NKAIN3: variants seen among roughly 807,000 people sequenced by gnomAD.
The protein encoded by NKAIN3 is sodium/potassium-transporting ATPase subunit beta-1-interacting protein 3.
A neutral mutation model predicts 30.2 loss-of-function variants in NKAIN3; 25 were observed. The ratio of observed to expected loss-of-function variants is 0.83; its 90% CI spans 0.60 to 1.16. The LOEUF (loss-of-function observed/expected upper bound fraction) is 1.16, where lower values mean the gene tolerates loss of function less well. NKAIN3 is among the 50% of genes most tolerant of loss of function. The pLI is 0.00. For synonymous variants in NKAIN3, 91 were observed against 89.6 expected, an observed-to-expected ratio of 1.02 and a Z score of -0.09; for missense variants, 225 against 254.1, an observed-to-expected ratio of 0.89 and a Z score of 0.78.
intron 3 of NKAIN3, among the ~76,000 whole-genome samples, chr8:62,626,467 T>C (rs560771851): frequency 6.6e-6 from 1 of 152,208 alleles, no homozygotes; most frequent in East Asian, 1.9e-4. Context: ...ATGGTTGTTT[T>C]CAGACTATCC....
At chr8:62,838,426 T>G (rs1819436584) in intron 4 of NKAIN3, among the ~76,000 whole-genome samples, 1 of 151,836 alleles carries the variant, frequency 6.6e-6, no homozygotes, top group East Asian at 1.9e-4. Flanking sequence ...GAAGAGAGAT[T>G]TGTACATTTG....
intron 3 of NKAIN3, among the ~76,000 whole-genome samples, chr8:62,715,888 G>A (rs541957543): frequency 1.3e-5 from 2 of 152,084 alleles, no homozygotes; most frequent in East Asian, 3.9e-4. Flanking sequence ...GCAGGGATGG[G>A]GCATAAAAGG....
At chr8:62,356,171 G>C (rs911029527) in intron 1 of NKAIN3, among the ~76,000 whole-genome samples, 3 of 152,018 alleles carry the variant, frequency 2.0e-5, no homozygotes, top group Admixed American at 1.3e-4. Flanking sequence ...CAAAAGAAAG[G>C]GTCCTGGACC....
rs144237616 is a variant in NKAIN3, at chr8:62,270,813, A to G, written c.54+21686A>G. 5.5e-4 allele frequency among the ~76,000 whole-genome samples: 83 copies of G among 152,234 alleles called. 1 individual carries two copies. The highest frequency in any genetic ancestry group is 1.5e-3 in the Admixed American group (23 of 15,284). ...CCACATGTAAGTGCGAGCATGTGGC[A>G]TTTGCGTTTCTGTGCCTAGCTCATT... On this transcript the variant is annotated intron_variant, in intron 1 of 6. Transcript: ENST00000623646.
At chr8:62,324,367 G>A (rs1163095526) in intron 1 of NKAIN3, among the ~76,000 whole-genome samples, 2 of 151,906 alleles carry the variant, frequency 1.3e-5, no homozygotes, top group African/African-American at 2.4e-5. Flanking sequence ...TAATGATTAC[G>A]ACCTAAAAAT....
chr8:62,974,826 A>T lies in NKAIN3; in HGVS notation c.*9419A>T, dbSNP rs1823908971. ...TCATAACAGCTCTTATTATTTTGAG[A>T]TATGTTCCATCAATACCTAGTTTAT... is the stretch of plus-strand genomic sequence containing the variant. On this transcript the variant is annotated 3_prime_UTR_variant, in exon 7 of 7. Coordinates refer to ENST00000623646, the MANE Select transcript of NKAIN3 (RefSeq NM_001304533.3). Among the ~76,000 whole-genome samples, 1 of 152,006 alleles carries T rather than the reference A, an allele frequency of 6.6e-6. No individual in the cohort carries two copies. The highest frequency in any genetic ancestry group is 6.6e-5 in the Admixed American group (1 of 15,264).
At chr8:62,627,883 A>G (rs767749807) in intron 3 of NKAIN3, among the ~76,000 whole-genome samples, 1 of 152,044 alleles carries the variant, frequency 6.6e-6, no homozygotes, top group Non-Finnish European at 1.5e-5. Flanking sequence ...CCCGAATCCA[A>G]CTGGGACGTG....
rs1824129957 is a variant in NKAIN3, at chr8:62,983,453, T to G, written c.*18046T>G. 6.6e-6 allele frequency: 1 copy of G among 152,156 alleles called. No homozygotes were observed. Among genetic ancestry groups the G allele is most frequent in the African/African-American group, 2.4e-5 (1 of 41,442 alleles). The allele number at this position is 152,156 out of a possible 1,614,324, so 9.4% of individuals were successfully genotyped here. ...CAACCCTCTTCTGTCTCCCTAAGCATTCAACAAACACTTAGTGACCATCTG... is the reference window on the plus strand; with the variant it reads ...CAACCCTCTTCTGTCTCCCTAAGCAGTCAACAAACACTTAGTGACCATCTG... On this transcript the variant is annotated 3_prime_UTR_variant, in exon 7 of 7. Transcript: ENST00000623646.
rs552326600 is a variant in NKAIN3 at position 62,979,801 on chromosome 8, G to A, written c.*14394G>A. 5.3e-5 allele frequency: 8 copies of A among 152,342 alleles called. No individual in the cohort carries two copies. The East Asian group carries it at 1.4e-3, about 26-fold the overall frequency. The allele number at this position is 152,342 out of a possible 1,614,324, so 9.4% of individuals were successfully genotyped here. A position where few individuals can be genotyped will look rare whatever the true frequency, so the allele number is the denominator to read the frequency against. ...GTCCTGACTAGACAAGGGCTTTGTTGTTGACTACAATTCAATGCCTTTTTT... is the reference window on the plus strand; with the variant it reads ...GTCCTGACTAGACAAGGGCTTTGTTATTGACTACAATTCAATGCCTTTTTT... On this transcript the variant is annotated 3_prime_UTR_variant, in exon 7 of 7. Coordinates refer to ENST00000623646, the MANE Select transcript of NKAIN3 (RefSeq NM_001304533.3).
intron 3 of NKAIN3, among the ~76,000 whole-genome samples, chr8:62,679,112 A>G (rs1813571937): frequency 6.6e-6 from 1 of 152,222 alleles, no homozygotes; most frequent in Non-Finnish European, 1.5e-5. Context: ...CAGGTTGAGA[A>G]CAGAGAAAAT....
chr8:62,897,018 G>C (rs1031985883), intron 4 of NKAIN3, among the ~76,000 whole-genome samples: 1 of 131,048 alleles, frequency 7.6e-6, no homozygotes, highest in African/African-American at 3.1e-5. Context: ...ATTTTTGTAA[G>C]ATAAGGGAGA....
rs55865884 is a variant in NKAIN3, at chr8:62,472,028, T to TAA, written c.55-107496_55-107495dup. On this transcript the variant is annotated intron_variant, in intron 1 of 6. Transcript: ENST00000623646. ...TGTCAGAGCAAGGCAAGACTCTGTT[T>TAA]AAAAAAAAAAAAAAAAGTCTTCAGC... Among the ~76,000 whole-genome samples the TAA allele has an allele frequency of 8.3e-3, 1,160 of 140,428 alleles. 14 individuals carry two copies. The highest frequency in any genetic ancestry group is 0.025 in the African/African-American group (927 of 37,602). The allele number at this position is 140,428 out of a possible 152,430, so 92.1% of individuals were successfully genotyped here.
intron 6 of NKAIN3, among the ~76,000 whole-genome samples, chr8:62,964,923 T>C (rs761944233): frequency 2.0e-5 from 3 of 152,086 alleles, no homozygotes; most frequent in African/African-American, 4.8e-5. Context: ...ATGGGATGTG[T>C]GTAAGGAACA....
chr8:62,405,568 A>G (rs1804036980), intron 1 of NKAIN3, among the ~76,000 whole-genome samples: 1 of 152,218 alleles, frequency 6.6e-6, no homozygotes, highest in Non-Finnish European at 1.5e-5. Context: ...TCAGAGTCCC[A>G]TAATCACTGC....
intron 1 of NKAIN3, among the ~76,000 whole-genome samples, chr8:62,509,441 CT>C (rs1563432396): frequency 6.6e-6 from 1 of 152,106 alleles, no homozygotes; most frequent in African/African-American, 2.4e-5. Flanking sequence ...CCCCTGTCTG[CT>C]CCTTTCCTTT....
At chr8:62,530,140 A>G (rs1299276914) in intron 1 of NKAIN3, among the ~76,000 whole-genome samples, 4 of 152,192 alleles carry the variant, frequency 2.6e-5, no homozygotes, top group Non-Finnish European at 5.9e-5. Context: ...CAAGCAGTCA[A>G]CTAAGGAGGG....
chr8:62,905,680 A>G (rs1457263446), intron 4 of NKAIN3, among the ~76,000 whole-genome samples: 1 of 152,120 alleles, frequency 6.6e-6, no homozygotes, highest in African/African-American at 2.4e-5. Flanking sequence ...CCAGTGTTCA[A>G]CGCTCACTCA....
intron 4 of NKAIN3, among the ~76,000 whole-genome samples, chr8:62,776,345 GT>G (rs2130645158): frequency 6.6e-6 from 1 of 151,682 alleles, no homozygotes; most frequent in Admixed American, 6.6e-5. Context: ...GGGTTTTTTT[GT>G]GACCTTCTCT....
chr8:62,577,718 C>T (rs1338048137), intron 1 of NKAIN3, among the ~76,000 whole-genome samples: 2 of 151,408 alleles, frequency 1.3e-5, no homozygotes, highest in African/African-American at 4.9e-5. Context: ...GTTGAAAACA[C>T]TGTGTTGCTT....
Sources: allele counts gnomAD v4.1 joint callset (sites outside exome capture counted in the v4.1 genomes callset), GRCh38; gene constraint gnomAD v4.1.1; transcripts MANE v1.5; gene names NCBI Gene and HGNC (gene_info 2026-07-23, HGNC 2026-07-21).